DNAH5: variants seen among roughly 807,000 people sequenced by gnomAD.
DNAH5 encodes the protein dynein axonemal heavy chain 5, also known as axonemal beta dynein heavy chain 5.
Under a neutral mutation model 518.2 loss-of-function variants are expected in DNAH5, and 372 were observed. The observed-to-expected ratio is 0.72, with a 90% CI of 0.66 to 0.78. The LOEUF (loss-of-function observed/expected upper bound fraction) is 0.78. Ranked by LOEUF, DNAH5 falls within the 30% of genes least tolerant of loss-of-function variation. DNAH5 has a pLI of 0.00. For missense variants in DNAH5, 5,523 were observed against 5,687.0 expected, an observed-to-expected ratio of 0.97 and a Z score of 0.93; for synonymous variants, 2,039 against 2,025.9, an observed-to-expected ratio of 1.01 and a Z score of -0.17.
At position 13,824,305 on chromosome 5, in the gene DNAH5, A is replaced by T; in HGVS notation, c.6473T>A (p.Ile2158Asn). 1 of 1,614,118 alleles carries T rather than the reference A, an allele frequency of 6.2e-7. No homozygotes were observed. Residue 2158 changes from isoleucine to asparagine, a missense_variant, in exon 39 of 79, where the codon ATT (isoleucine) becomes AAT (asparagine). Coordinates refer to ENST00000265104, the MANE Select transcript of DNAH5 (RefSeq NM_001369.3). The part of the protein sequence containing the change: ...QVHYDFGLRN[I>N]LSVLRTLGAA... ...TCCCAAGGTCCGAAGAACTGACAGA[A>T]TGTTACGCAGGCCAAAGTCATAATG...
Position 13,839,428 on chromosome 5 carries a change from T to C in DNAH5, c.5810A>G (p.Asp1937Gly), listed in dbSNP as rs1764859651. 6.2e-7 allele frequency: 1 copy of C among 1,613,902 alleles called. No homozygotes were observed. The change falls in exon 35 of 79, where the codon GAT becomes GGT. Residue 1937 changes from aspartate to glycine, a missense_variant. By Grantham distance (94) the Asp-to-Gly change is moderately conservative. This residue lies in a region of DNAH5 where 5,121 missense variants were observed against 5,223.3 expected (regional missense o/e 0.98). Transcript: ENST00000265104. ...DSDKMMIHIT[D>G]VAFIYQNEFL... ...TTCATTCTGGTATATGAACGCCACA[T>C]CTGTGATGTGAATCATCATCTTGTC...
chr5:13,732,056 G>A (rs1256495507), intron 68 of DNAH5, among the ~76,000 whole-genome samples: 1 of 150,398 alleles, frequency 6.6e-6, no homozygotes, highest in South Asian at 2.1e-4. Flanking sequence ...GGAGTTTGAG[G>A]TTACAGTGAG....
chr5:13,831,845 T>TCAAA (rs1311560911), intron 35 of DNAH5, among the ~76,000 whole-genome samples: 1 of 152,154 alleles, frequency 6.6e-6, no homozygotes, highest in East Asian at 1.9e-4. Context: ...ATGCATCATC[T>TCAAA]CGTTTCATCC....
chr5:13,829,678 T>A lies in DNAH5; in HGVS notation c.6276A>T (p.Glu2092Asp). Residue 2092 changes from glutamate to aspartate, a missense_variant, in exon 38 of 79, where the codon GAA becomes GAT. By Grantham distance (45) the Glu-to-Asp change is conservative (BLOSUM62 2). Coordinates refer to ENST00000265104, the MANE Select transcript of DNAH5 (RefSeq NM_001369.3). ...AATTAATCTTCAAGTTTTCAGGGAG[T>A]TCCTGCCGTCCGGCATAGCCAGGAT... ...TMNPGYAGRQ[E>D]LPENLKINFR... 6.2e-7 allele frequency: 1 copy of A among 1,614,000 alleles called. No individual in the cohort carries two copies. Among genetic ancestry groups the A allele is most frequent in the Non-Finnish European group, 8.5e-7 (1 of 1,179,998 alleles).
intron 70 of DNAH5, among the ~76,000 whole-genome samples, chr5:13,721,832 C>T (rs1393601180): frequency 6.6e-6 from 1 of 152,128 alleles, no homozygotes; most frequent in Non-Finnish European, 1.5e-5. Flanking sequence ...CGAAATATCA[C>T]AGATTTTGTC....
At chr5:13,792,859 C>G (rs113405313) in intron 49 of DNAH5, among the ~76,000 whole-genome samples, 1 of 152,118 alleles carries the variant, frequency 6.6e-6, no homozygotes, top group Non-Finnish European at 1.5e-5. Context: ...TCAATAGCAG[C>G]GTCAGAAATT....
intron 47 of DNAH5, among the ~76,000 whole-genome samples, chr5:13,803,123 C>T (rs761170859): frequency 6.6e-6 from 1 of 152,080 alleles, no homozygotes; most frequent in African/African-American, 2.4e-5. Flanking sequence ...TATACACTAG[C>T]ACCTAAATCA....
In DNAH5 at chr5:13,800,098, G is replaced by A. The variant is rs551406468; in HGVS notation, c.7888-6040C>T. Among the ~76,000 whole-genome samples the A allele has an allele frequency of 2.0e-5, 3 of 152,224 alleles. No individual in the cohort carries two copies. In the East Asian group the frequency reaches 5.8e-4, roughly 29 times the overall value. ...GCTGGGAGGGTCTTTCTTCCCTTGG[G>A]GATGCTGAATAAACTGTGTGTTGTG... On this transcript the variant is annotated intron_variant, in intron 47 of 78. Coordinates refer to ENST00000265104, the MANE Select transcript of DNAH5 (RefSeq NM_001369.3).
intron 58 of DNAH5, among the ~76,000 whole-genome samples, chr5:13,766,716 T>C (rs1752562642): frequency 6.6e-6 from 1 of 152,192 alleles, no homozygotes; most frequent in South Asian, 2.1e-4. Context: ...ACTTGAGCAA[T>C]AAGAATTTTA....
At chr5:13,898,823 G>A (rs1400986377) in intron 15 of DNAH5, 1 of 387,656 alleles carries the variant, frequency 2.6e-6, no homozygotes, top group Admixed American at 4.5e-5. Context: ...TTCCATGGCC[G>A]CATCTCTGAT....
At chr5:13,952,224 T>C (rs1295962584) in intron 1 of DNAH5, among the ~76,000 whole-genome samples, 1 of 152,186 alleles carries the variant, frequency 6.6e-6, no homozygotes, top group Non-Finnish European at 1.5e-5. Context: ...TAAACACTGA[T>C]GGTTAGCACT....
chr5:13,797,314 C>T (rs1301618317), intron 47 of DNAH5, among the ~76,000 whole-genome samples: 2 of 152,212 alleles, frequency 1.3e-5, no homozygotes, highest in East Asian at 3.9e-4. Context: ...TGAAAAAGGG[C>T]TAATATCCAG....
At chr5:13,808,634 T>A (rs993363299) in intron 46 of DNAH5, among the ~76,000 whole-genome samples, 11 of 152,214 alleles carry the variant, frequency 7.2e-5, no homozygotes, top group Non-Finnish European at 1.6e-4. Context: ...TATTCTAAAC[T>A]GCAACATAAA....
Position 13,911,723 on chromosome 5 carries a change from T to C in DNAH5, c.1537-230A>G, listed in dbSNP as rs10462590. ...TGGAAAGTATTTTCATGATGTTTTATGTATTTTTGAAAAAATGAAATAAAA... is the reference window on the plus strand; with the variant it reads ...TGGAAAGTATTTTCATGATGTTTTACGTATTTTTGAAAAAATGAAATAAAA... On this transcript the variant is annotated intron_variant, in intron 11 of 78. Coordinates refer to ENST00000265104, the MANE Select transcript of DNAH5 (RefSeq NM_001369.3). Among the ~76,000 whole-genome samples the C allele has an allele frequency of 0.38, 58,046 of 151,990 alleles. 11,433 individuals carry two copies. The highest frequency in any genetic ancestry group is 0.76 in the East Asian group (3,904 of 5,162).
chr5:13,875,943 T>C (rs114180316), intron 22 of DNAH5, among the ~76,000 whole-genome samples: 1,731 of 152,312 alleles, frequency 0.011, 27 homozygotes, highest in African/African-American at 0.039. Flanking sequence ...GTATCAAAAC[T>C]GAGTAATAGA....
At chr5:13,883,432 G>A (rs1260298853) in intron 19 of DNAH5, among the ~76,000 whole-genome samples, 1 of 152,124 alleles carries the variant, frequency 6.6e-6, no homozygotes, top group East Asian at 1.9e-4. Context: ...TTAGCTAAAT[G>A]TAGCTAAGTA....
chr5:14,007,886 A>T (rs1784826151), intron 1 of DNAH5, among the ~76,000 whole-genome samples: 1 of 152,222 alleles, frequency 6.6e-6, no homozygotes, highest in Admixed American at 6.5e-5. Context: ...AGCATGCAGT[A>T]TGTAGGCCAG....
At chr5:13,902,859 T>C (rs1774827825) in intron 12 of DNAH5, among the ~76,000 whole-genome samples, 3 of 152,112 alleles carry the variant, frequency 2.0e-5, no homozygotes, top group Non-Finnish European at 4.4e-5. Flanking sequence ...GACCACAGAA[T>C]TCAAGAAAAG....
chr5:13,730,773 G>T (rs936986061), intron 68 of DNAH5, among the ~76,000 whole-genome samples: 1 of 145,812 alleles, frequency 6.9e-6, no homozygotes, highest in Non-Finnish European at 1.5e-5. Flanking sequence ...GCGTGATCTC[G>T]GCTCACAACA....
Sources: allele counts gnomAD v4.1 joint callset (sites outside exome capture counted in the v4.1 genomes callset), GRCh38; gene constraint gnomAD v4.1.1; regional missense constraint gnomAD v4.1.1; transcripts MANE v1.5; gene names NCBI Gene and HGNC (gene_info 2026-07-23, HGNC 2026-07-21).